Variants in INSR observed in about 807,000 individuals in gnomAD.
INSR encodes the protein IR.
Under a neutral mutation model 142.6 loss-of-function variants are expected in INSR, and 67 were observed. The ratio of observed to expected loss-of-function variants is 0.47; its 90% CI spans 0.39 to 0.58. INSR has a LOEUF of 0.58. INSR is among the 20% of genes least tolerant of loss of function. The pLI, the probability that INSR is intolerant of heterozygous loss-of-function variation, is 0.00. For missense variants in INSR, 1,248 were observed against 1,833.2 expected, an observed-to-expected ratio of 0.68 and a Z score of 5.83; for synonymous variants, 756 against 743.1, an observed-to-expected ratio of 1.02 and a Z score of -0.28.
chr19:7,250,297 G>A (rs1232293821), intron 2 of INSR, among the ~76,000 whole-genome samples: 1 of 145,754 alleles, frequency 6.9e-6, no homozygotes, highest in African/African-American at 2.5e-5. Context: ...GGAGAAGAAG[G>A]GGAGGGGAGG....
chr19:7,164,494 G>C (rs1275387747), intron 8 of INSR, among the ~76,000 whole-genome samples: 4 of 150,544 alleles, frequency 2.7e-5, no homozygotes, highest in Non-Finnish European at 4.4e-5. Context: ...GAGCAGCCTG[G>C]CCAACATGGT....
intron 2 of INSR, among the ~76,000 whole-genome samples, chr19:7,240,246 C>T (rs766834780): frequency 2.6e-5 from 4 of 152,100 alleles, no homozygotes; most frequent in Non-Finnish European, 5.9e-5. Flanking sequence ...AATAAGATGG[C>T]AAATTTTATG....
intron 1 of INSR, among the ~76,000 whole-genome samples, chr19:7,270,339 T>TCTCTCACACACACACA (rs1414011806): frequency 2.5e-5 from 3 of 120,248 alleles, no homozygotes; most frequent in African/African-American, 1.0e-4. Context: ...TCTCTCTCTC[T>TCTCTCACACACACACA]CACACACACA....
At position 7,274,915 on chromosome 19, in the gene INSR, G is replaced by A. The variant is rs941309143; in HGVS notation, c.101-7019C>T. Among the ~76,000 whole-genome samples, 3 of 152,098 alleles carry A rather than the reference G, an allele frequency of 2.0e-5. No homozygotes were observed. The East Asian group carries it at 5.8e-4, about 29-fold the overall frequency. On this transcript the variant is annotated intron_variant, in intron 1 of 21. Coordinates refer to ENST00000302850, the MANE Select transcript of INSR (RefSeq NM_000208.4). Reference sequence around the variant, plus strand: ...GCCCCAAAATTGAGCCTTACCCCGGGAGGGTTTTTGGCTTCACCCAGGAAA... The same window carrying A: ...GCCCCAAAATTGAGCCTTACCCCGGAAGGGTTTTTGGCTTCACCCAGGAAA...
rs536222914 is a variant in INSR, at chr19:7,267,982, A to G, written c.101-86T>C. 12 of 1,157,684 alleles carry G rather than the reference A, an allele frequency of 1.0e-5. No homozygotes were observed. The highest frequency in any genetic ancestry group is 1.5e-5 in the African/African-American group (1 of 65,814). 71.7% of individuals were successfully genotyped at this position (1,157,684 alleles called of 1,614,324 possible). ...AAGGATCAGGGGCAGAGCCGGCTTC[A>G]TGGACAGGAAACCTGGGCCCTGTGT... On this transcript the variant is annotated intron_variant, in intron 1 of 21. Coordinates refer to ENST00000302850, the MANE Select transcript of INSR (RefSeq NM_000208.4). The surrounding 1 kb of genome is among the most constrained non-coding windows in gnomAD (Gnocchi z 6.3).
Position 7,294,182 on chromosome 19 carries a change from C to T in INSR, c.-291G>A, listed in dbSNP as rs1968578308. On this transcript the variant is annotated 5_prime_UTR_variant, in exon 1 of 22. Coordinates refer to ENST00000302850, the MANE Select transcript of INSR (RefSeq NM_000208.4). ...TCCCAGGATCTCGGGGCCCGGAGCTCCGCGCTGCGCCCGGGACTGTCTCTC... is the reference window on the plus strand; with the variant it reads ...TCCCAGGATCTCGGGGCCCGGAGCTTCGCGCTGCGCCCGGGACTGTCTCTC... The T allele has an allele frequency of 6.0e-6, 1 of 167,522 alleles. No homozygotes were observed. Among genetic ancestry groups the T allele is most frequent in the Non-Finnish European group, 1.3e-5 (1 of 78,632 alleles). 10.4% of individuals were successfully genotyped at this position (167,522 alleles called of 1,614,324 possible).
In INSR at chr19:7,280,725, AAAAC is replaced by A. The variant is rs201961337; in HGVS notation, c.101-12833_101-12830del. ...AGAGCGAAACTCCATCTCAAAAAAA[AAAAC>A]AAAAAACCCAAAAATTAGTCAGGTA... On this transcript the variant is annotated intron_variant, in intron 1 of 21. Coordinates refer to ENST00000302850, the MANE Select transcript of INSR (RefSeq NM_000208.4). Among the ~76,000 whole-genome samples, 1,287 of 151,724 alleles carry A rather than the reference AAAAC, an allele frequency of 8.5e-3. 17 individuals are homozygous for A. The highest frequency in any genetic ancestry group is 0.028 in the African/African-American group (1,151 of 41,306).
intron 14 of INSR, among the ~76,000 whole-genome samples, chr19:7,131,597 C>T (rs533829663): frequency 6.8e-4 from 103 of 150,402 alleles, no homozygotes; most frequent in Admixed American, 2.4e-3. Flanking sequence ...CTGCCCGCCT[C>T]GGCCTCCCAA....
At chr19:7,131,764 C>T (rs1275548506) in intron 14 of INSR, among the ~76,000 whole-genome samples, 1 of 143,944 alleles carries the variant, frequency 6.9e-6, no homozygotes, top group Admixed American at 7.0e-5. Flanking sequence ...TTTGGGAGGC[C>T]GAGGCGGGTG....
intron 1 of INSR, among the ~76,000 whole-genome samples, chr19:7,282,519 C>T (rs1189443437): frequency 2.0e-5 from 3 of 150,582 alleles, no homozygotes; most frequent in Admixed American, 6.6e-5. Context: ...CCCATCTCTA[C>T]TAAAATGCAA....
chr19:7,154,722 C>T (rs375317657), intron 9 of INSR, among the ~76,000 whole-genome samples: 1 of 151,252 alleles, frequency 6.6e-6, no homozygotes, highest in African/African-American at 2.4e-5. Context: ...TCAGGAGGTC[C>T]GGACCATCCT....
chr19:7,187,205 G>A (rs867099296), intron 2 of INSR, among the ~76,000 whole-genome samples: 26 of 151,430 alleles, frequency 1.7e-4, no homozygotes, highest in African/African-American at 5.1e-4. Flanking sequence ...CCTCAGCCTC[G>A]AGTAGCTGGG....
chr19:7,158,256 G>T lies in INSR; in HGVS notation c.2029+4776C>A, dbSNP rs375690189. Among the ~76,000 whole-genome samples, 499 of 151,894 alleles carry T rather than the reference G, an allele frequency of 3.3e-3. 3 individuals carry two copies. The highest frequency in any genetic ancestry group is 0.01 in the African/African-American group (417 of 41,454). On this transcript the variant is annotated intron_variant, in intron 9 of 21. Transcript: ENST00000302850. ...TGACTCACGCCTGTAATCCCAGCAC[G>T]TTGGGAGGCCAAGGTGGGCAGATCA...
Position 7,112,738 on chromosome 19 carries a change from A to G in INSR, c.*4318T>C, listed in dbSNP as rs1972237038. 1 of 151,906 alleles carries G rather than the reference A, an allele frequency of 6.6e-6. No individual in the cohort carries two copies. The highest frequency in any genetic ancestry group is 6.6e-5 in the Admixed American group (1 of 15,250). 9.4% of individuals were successfully genotyped at this position (151,906 alleles called of 1,614,324 possible). ...GACCTTGACTAGTATCAGAAGGTAA[A>G]AGTAAGCTCAAAAAGCCATTGTGTC... On this transcript the variant is annotated 3_prime_UTR_variant, in exon 22 of 22. Coordinates refer to ENST00000302850, the MANE Select transcript of INSR (RefSeq NM_000208.4).
chr19:7,284,526 G>T (rs1287060858), intron 1 of INSR, among the ~76,000 whole-genome samples: 1 of 151,654 alleles, frequency 6.6e-6, no homozygotes, highest in Non-Finnish European at 1.5e-5. Flanking sequence ...AAAGGACTCA[G>T]GTTTTTTTGT....
In INSR at chr19:7,122,874, C is replaced by T; in HGVS notation, c.3369+5G>A. 1 of 1,609,764 alleles carries T rather than the reference C, an allele frequency of 6.2e-7. No individual in the cohort carries two copies. Among genetic ancestry groups the T allele is most frequent in the Non-Finnish European group, 8.5e-7 (1 of 1,178,396 alleles). ...TACCCCGCTGGGTCCCCCGAAGCAG[C>T]TTACCTCAGCCTCTGGCCGCAGAGA... On this transcript the variant is annotated splice_donor_5th_base_variant and intron_variant, in intron 18 of 21. Transcript: ENST00000302850.
intron 2 of INSR, among the ~76,000 whole-genome samples, chr19:7,248,909 G>A (rs758828171): frequency 6.6e-6 from 1 of 151,796 alleles, no homozygotes; most frequent in Non-Finnish European, 1.5e-5. Flanking sequence ...ACAGGCATGC[G>A]CCACCACGCC....
rs146918593 is a variant in INSR at position 7,209,399 on chromosome 19, C to T, written c.653-24762G>A. 1.5e-3 allele frequency among the ~76,000 whole-genome samples: 228 copies of T among 152,222 alleles called. 2 individuals carry two copies. The highest frequency in any genetic ancestry group is 5.3e-3 in the African/African-American group (220 of 41,534). ...CTTCTGCTCCTCATGTGTATGCAAA[C>T]GTTGAGCTCAACTCCATAAAAGTCA... On this transcript the variant is annotated intron_variant, in intron 2 of 21. Coordinates refer to ENST00000302850, the MANE Select transcript of INSR (RefSeq NM_000208.4).
At chr19:7,211,717 C>CGGCA (rs1446769421) in intron 2 of INSR, among the ~76,000 whole-genome samples, 3 of 152,108 alleles carry the variant, frequency 2.0e-5, no homozygotes, top group Non-Finnish European at 2.9e-5. Context: ...GGGTCAGGGC[C>CGGCA]GGCAGCCGCG....
Sources: allele counts gnomAD v4.1 joint callset (sites outside exome capture counted in the v4.1 genomes callset), GRCh38; gene constraint gnomAD v4.1.1; non-coding constraint Gnocchi (gnomAD v3.1); transcripts MANE v1.5; gene names NCBI Gene and HGNC (gene_info 2026-07-23, HGNC 2026-07-21).